The following CPSF4 variants were observed in gnomAD, a reference collection of about 807,000 sequenced individuals.
The protein encoded by CPSF4 is cleavage and polyadenylation specificity factor subunit 4.
CPSF4 carries 11 observed loss-of-function variants against 37.7 expected under a neutral mutation model. The observed-to-expected ratio is 0.29, with a 90% confidence interval of 0.18 to 0.48. The LOEUF (loss-of-function observed/expected upper bound fraction) is 0.48, where lower values mean the gene tolerates loss of function less well. Among genes scored for constraint, CPSF4 ranks in the 20% least tolerant of loss-of-function variants. CPSF4 has a pLI of 0.99. For missense variants in CPSF4, 144 were observed against 359.5 expected (o/e 0.40, Z 4.85); for synonymous variants, 132 against 135.9 (o/e 0.97, Z 0.20).
chr7:99,442,840 A>C (rs1408272659), intron 1 of CPSF4: 3 of 949,222 alleles, frequency 3.2e-6, no homozygotes, highest in Non-Finnish European at 5.2e-6. Flanking sequence ...AGAATGAGAG[A>C]AGTGGAAAAC....
At chr7:99,447,112 T>G (rs1219751732) in intron 2 of CPSF4, among the ~76,000 whole-genome samples, 2 of 151,482 alleles carry the variant, frequency 1.3e-5, no homozygotes. Context: ...TTGGCTGGCT[T>G]ACTTACTTAC....
intron 5 of CPSF4, 39 bp downstream of exon 5, chr7:99,450,834 G>C: frequency 1.4e-6 from 2 of 1,480,188 alleles, no homozygotes; most frequent in Non-Finnish European, 1.9e-6. Flanking sequence ...CCCAGCTCCC[G>C]GCCCAGGCCC....
intron 5 of CPSF4, 93 bp from the exon 6 acceptor site, chr7:99,452,275 G>A (rs1251900755): frequency 1.8e-6 from 2 of 1,082,128 alleles, no homozygotes. Flanking sequence ...ATTTTCCTAG[G>A]GCTGGAATTT....
At chr7:99,443,493 C>A in intron 1 of CPSF4, 1 of 817,016 alleles carries the variant, frequency 1.2e-6, no homozygotes, top group Non-Finnish European at 2.1e-6. Flanking sequence ...ATCTCAGTTA[C>A]CATCTTGTTA....
At chr7:99,447,354 C>T (rs1038239735) in intron 2 of CPSF4, among the ~76,000 whole-genome samples, 1 of 149,908 alleles carries the variant, frequency 6.7e-6, no homozygotes, top group Middle Eastern at 3.5e-3. Flanking sequence ...CTGCAACCTC[C>T]GCCTCCTGGG....
intron 5 of CPSF4, among the ~76,000 whole-genome samples, chr7:99,451,344 C>T (rs965785108): frequency 1.3e-5 from 2 of 152,188 alleles, no homozygotes; most frequent in African/African-American, 4.8e-5. Flanking sequence ...TGGTGGCTCA[C>T]GCCTGTAATC....
rs1797742440 is a variant in CPSF4, at chr7:99,448,884, G to A, written c.307+611G>A. The A allele has an allele frequency of 1.3e-5, 2 of 152,522 alleles. No individual in the cohort carries two copies. The highest frequency in any genetic ancestry group is 2.9e-5 in the Non-Finnish European group (2 of 68,276). The allele number at this position is 152,522 out of a possible 1,614,324, so 9.4% of individuals were successfully genotyped here. The stretch of plus-strand genomic sequence containing the variant: ...AATAACAGCCTCAGATGTGTCTTCT[G>A]GTAGCAACAAACTTGCCTTGAGCCC... On this transcript the variant is annotated intron_variant, in intron 3 of 7. Transcript: ENST00000292476. The surrounding 1 kb of genome is among the most constrained non-coding windows in gnomAD (Gnocchi z 4.4).
intron 7 of CPSF4, among the ~76,000 whole-genome samples, chr7:99,454,742 C>G (rs1398502293): frequency 1.3e-5 from 2 of 152,186 alleles, no homozygotes; most frequent in Admixed American, 6.5e-5. Context: ...TGGAAAGTTA[C>G]AAACTAAGTT....
At chr7:99,443,409 A>C (rs955690798) in intron 1 of CPSF4, 1 of 1,457,090 alleles carries the variant, frequency 6.9e-7, no homozygotes, top group East Asian at 2.3e-5. Flanking sequence ...ATCTTGCTTT[A>C]TTCCCTTGGT....
intron 4 of CPSF4, 36 bp downstream of exon 4, chr7:99,450,407 G>C (rs775656082): frequency 2.7e-6 from 4 of 1,464,158 alleles, no homozygotes; most frequent in Non-Finnish European, 3.8e-6. Context: ...CGGGCAAGAA[G>C]CCAGTCCTCC....
At chr7:99,440,847 C>T (rs1796913225) in intron 1 of CPSF4, among the ~76,000 whole-genome samples, 1 of 150,318 alleles carries the variant, frequency 6.7e-6, no homozygotes, top group Admixed American at 6.6e-5. Flanking sequence ...CACCACTGTA[C>T]ACTCCCTAAA....
chr7:99,439,048 G>C lies in CPSF4; in HGVS notation c.-35G>C, dbSNP rs770760260. 2.5e-6 allele frequency: 4 copies of C among 1,580,992 alleles called. No individual in the cohort carries two copies. The highest frequency in any genetic ancestry group is 3.4e-6 in the Non-Finnish European group (4 of 1,162,996). ...AGGCGAGAAGGCTGCAGGAGACCGA[G>C]GGGGAGCCGGGCCGGTGGGGCCGCC... On this transcript the variant is annotated 5_prime_UTR_variant, in exon 1 of 8. Coordinates refer to ENST00000292476, the MANE Select transcript of CPSF4 (RefSeq NM_006693.4).
chr7:99,440,388 C>G (rs554758739), intron 1 of CPSF4, among the ~76,000 whole-genome samples: 5 of 151,954 alleles, frequency 3.3e-5, no homozygotes, highest in Non-Finnish European at 7.4e-5. Flanking sequence ...GCCCCTCTGT[C>G]GCCCAGGCTG....
intron 3 of CPSF4, among the ~76,000 whole-genome samples, chr7:99,449,382 TAGC>T (rs1319722871): frequency 6.6e-6 from 1 of 152,224 alleles, no homozygotes; most frequent in Admixed American, 6.5e-5. Context: ...GCCTTGCCCA[TAGC>T]AGCACTGGGG....
Position 99,448,339 on chromosome 7 carries a change from C to T in CPSF4, c.307+66C>T. ...GGTGCAGAGGGGTCCGCTGGCTGCT[C>T]AGTGCCCACACTGTCTCTGCCTGCT... is the stretch of plus-strand genomic sequence containing the variant. On this transcript the variant is annotated intron_variant, in intron 3 of 7. Transcript: ENST00000292476. The surrounding 1 kb of genome is among the most constrained non-coding windows in gnomAD (Gnocchi z 4.4). The T allele has an allele frequency of 6.5e-7, 1 of 1,537,436 alleles. No homozygotes were observed. Among genetic ancestry groups the T allele is most frequent in the Non-Finnish European group, 8.9e-7 (1 of 1,125,208 alleles).
chr7:99,457,054 G>A lies in CPSF4; in HGVS notation c.*554G>A, dbSNP rs1046671088. 1.9e-5 allele frequency: 4 copies of A among 210,284 alleles called. No individual in the cohort carries two copies. Among genetic ancestry groups the A allele is most frequent in the African/African-American group, 6.8e-5 (3 of 43,976 alleles). 13.0% of individuals were successfully genotyped at this position (210,284 alleles called of 1,614,324 possible). ...TCCCAGGTGGCAGCGGTTGAGGAGGGGTACAGGGCTCTCAAGCCTGAGGTT... is the reference window on the plus strand; with the variant it reads ...TCCCAGGTGGCAGCGGTTGAGGAGGAGTACAGGGCTCTCAAGCCTGAGGTT... On this transcript the variant is annotated 3_prime_UTR_variant, in exon 8 of 8. Coordinates refer to ENST00000292476, the MANE Select transcript of CPSF4 (RefSeq NM_006693.4).
At chr7:99,454,467 C>T (rs915915160) in intron 7 of CPSF4, among the ~76,000 whole-genome samples, 2 of 152,160 alleles carry the variant, frequency 1.3e-5, no homozygotes, top group African/African-American at 4.8e-5. Context: ...GAGCCGCTGG[C>T]TGTCCTGGGG....
intron 1 of CPSF4, among the ~76,000 whole-genome samples, chr7:99,441,123 G>C (rs887961325): frequency 2.0e-5 from 3 of 151,780 alleles, no homozygotes; most frequent in African/African-American, 7.3e-5. Flanking sequence ...ACTAATTTTT[G>C]TATTTTTAGT....
chr7:99,453,814 C>T lies in CPSF4; in HGVS notation c.571-152C>T. On this transcript the variant is annotated intron_variant, in intron 6 of 7. Coordinates refer to ENST00000292476, the MANE Select transcript of CPSF4 (RefSeq NM_006693.4). The surrounding 1 kb of genome is among the most constrained non-coding windows in gnomAD (Gnocchi z 4.7). The stretch of plus-strand genomic sequence containing the variant: ...CTTCTGCCATCATCACCACATGTTT[C>T]TCTGCTGCCCACTGTCCTGAGGTGG... The T allele has an allele frequency of 1.5e-6, 1 of 667,910 alleles. No individual in the cohort carries two copies. Among genetic ancestry groups the T allele is most frequent in the Non-Finnish European group, 2.6e-6 (1 of 384,262 alleles). 41.4% of individuals were successfully genotyped at this position (667,910 alleles called of 1,614,324 possible). A position where few individuals can be genotyped will look rare whatever the true frequency, so the allele number is the denominator to read the frequency against.
Sources: allele counts gnomAD v4.1 joint callset (sites outside exome capture counted in the v4.1 genomes callset), GRCh38; gene constraint gnomAD v4.1.1; non-coding constraint Gnocchi (gnomAD v3.1); transcripts MANE v1.5; gene names NCBI Gene and HGNC (gene_info 2026-07-23, HGNC 2026-07-21).